Variants in MAGEC3 observed in about 807,000 individuals in gnomAD.
The protein encoded by MAGEC3 is MAGE family member C3, also known as melanoma-associated antigen C3.
A neutral mutation model predicts 35.3 loss-of-function variants in MAGEC3; 34 were observed. That is an observed-to-expected ratio of 0.96 (90% CI 0.73 to 1.28). The LOEUF (loss-of-function observed/expected upper bound fraction) is 1.28, where lower values mean the gene tolerates loss of function less well. MAGEC3 is among the 50% of genes most tolerant of loss of function. The pLI is 0.00. For synonymous variants in MAGEC3, 202 were observed against 185.6 expected (o/e 1.09, Z -0.72); for missense variants, 561 against 483.6 (o/e 1.16, Z -1.50).
chrX:141,874,692 T>G (rs1173576534), intron 2 of MAGEC3, among the ~76,000 whole-genome samples: 1 of 110,878 alleles, frequency 9.0e-6, no homozygotes, highest in Non-Finnish European at 1.9e-5. Flanking sequence ...CCTGAAAATT[T>G]CAAACACTCA....
intron 1 of MAGEC3, chrX:141,838,961 GT>G (rs2017669862): frequency 1.9e-6 from 1 of 514,307 alleles, no homozygotes; most frequent in Admixed American, 9.0e-5. Flanking sequence ...CTCAAGAAGT[GT>G]GAGGGACCCA....
intron 6 of MAGEC3, 71 bp downstream of exon 6, chrX:141,895,630 G>C: frequency 9.8e-7 from 1 of 1,020,621 alleles, no homozygotes; most frequent in Non-Finnish European, 1.3e-6. Context: ...TCAGAGGACA[G>C]CTTCCCAGAG....
chrX:141,861,385 A>G (rs2017813906), intron 1 of MAGEC3, among the ~76,000 whole-genome samples: 1 of 111,355 alleles, frequency 9.0e-6, no homozygotes, highest in South Asian at 3.7e-4. Context: ...ATTCAGTGCA[A>G]TTTCCATCAA....
chrX:141,894,609 A>G, intron 4 of MAGEC3: 1 of 949,749 alleles, frequency 1.1e-6, no homozygotes. Flanking sequence ...AACCTTGAGG[A>G]AGACTGAGGG....
At position 141,879,335 on chromosome X, in the gene MAGEC3, A is replaced by G. The variant is rs12852593; in HGVS notation, c.419A>G (p.Asp140Gly). Residue 140 changes from aspartate (D) to glycine (G), a missense_variant, in exon 3 of 8, where the codon GAC (aspartate) becomes GGC (glycine). Transcript: ENST00000298296. ...AACGAGAAGAGAACTCTGTGGAAGG[A>G]CAGTGACCTTCCAACATGGAGGAGA... ...PLNEKRTLWK[D>G]SDLPTWRRGT... 1 of 1,202,329 alleles carries G rather than the reference A, an allele frequency of 8.3e-7. No individual in the cohort carries two copies. The highest frequency in any genetic ancestry group is 1.1e-6 in the Non-Finnish European group (1 of 890,564).
At chrX:141,861,234 A>G (rs2017813218) in intron 1 of MAGEC3, among the ~76,000 whole-genome samples, 1 of 110,805 alleles carries the variant, frequency 9.0e-6, no homozygotes, top group African/African-American at 3.3e-5. Context: ...GAGGTAAAAG[A>G]TCTTTACAAG....
intron 1 of MAGEC3, among the ~76,000 whole-genome samples, chrX:141,858,310 C>T (rs2017794165): frequency 9.1e-6 from 1 of 110,476 alleles, no homozygotes; most frequent in African/African-American, 3.3e-5. Flanking sequence ...TTGTCTTGGG[C>T]TGAAAAATAT....
chrX:141,891,943 T>C (rs774784074), intron 4 of MAGEC3, among the ~76,000 whole-genome samples: 2 of 109,722 alleles, frequency 1.8e-5, no homozygotes, highest in East Asian at 5.7e-4. Context: ...CCTAATCAAA[T>C]ATGATGGGAG....
chrX:141,897,646 A>G lies in MAGEC3; in HGVS notation c.1746A>G (p.Ala582=). The change falls in exon 8 of 8, where the codon GCA becomes GCG. Residue 582 remains alanine (A), a synonymous_variant. Coordinates refer to ENST00000298296, the MANE Select transcript of MAGEC3 (RefSeq NM_138702.1). Reference sequence around the variant, plus strand: ...TCCAAGAGCCCATTCAGAGGCCAGCAAGAGAAGTCTTAGAGTTTTTATCCA... The same window carrying G: ...TCCAAGAGCCCATTCAGAGGCCAGCGAGAGAAGTCTTAGAGTTTTTATCCA... The part of the protein sequence containing the change: ...LSAIGPIQRP[A]REVLEFLSKL... 1 of 1,209,816 alleles carries G rather than the reference A, an allele frequency of 8.3e-7. No individual in the cohort carries two copies. Among genetic ancestry groups the G allele is most frequent in the Non-Finnish European group, 1.1e-6 (1 of 894,678 alleles).
intron 1 of MAGEC3, among the ~76,000 whole-genome samples, chrX:141,856,928 C>A (rs2017784575): frequency 1.8e-5 from 2 of 111,809 alleles, no homozygotes; most frequent in African/African-American, 6.5e-5. Context: ...AATGCAAACA[C>A]CCTGACAAAG....
rs568329481 is a variant in MAGEC3 at position 141,876,410 on chromosome X, C to G, written c.259-2765C>G. On this transcript the variant is annotated intron_variant, in intron 2 of 7. Coordinates refer to ENST00000298296, the MANE Select transcript of MAGEC3 (RefSeq NM_138702.1). ...GTCCTGCTCTCAGGAAGCAAAGGTTCATGAAAGCAGTCAGGCCTTTTATGG... is the reference window on the plus strand; with the variant it reads ...GTCCTGCTCTCAGGAAGCAAAGGTTGATGAAAGCAGTCAGGCCTTTTATGG... 1.1e-4 allele frequency among the ~76,000 whole-genome samples: 12 copies of G among 111,880 alleles called. No individual in the cohort carries two copies. In the South Asian group the frequency reaches 4.5e-3, roughly 42 times the overall value.
chrX:141,838,338 T>C lies in MAGEC3; in HGVS notation c.23T>C (p.Val8Ala), dbSNP rs764998708. 1.7e-5 allele frequency: 20 copies of C among 1,208,881 alleles called. No homozygotes were observed. The highest frequency in any genetic ancestry group is 2.1e-5 in the Non-Finnish European group (19 of 894,360). MLLPCHW[V>A]LDATFSDGSL... ...GCCATGCTGCTGCCCTGCCACTGGGTGTTGGATGCCACCTTCAGTGATGGC... is the reference window on the plus strand; with the variant it reads ...GCCATGCTGCTGCCCTGCCACTGGGCGTTGGATGCCACCTTCAGTGATGGC... The change falls in exon 1 of 8, where the codon GTG becomes GCG. Residue 8 changes from valine (V) to alanine (A), a missense_variant. Coordinates refer to ENST00000298296, the MANE Select transcript of MAGEC3 (RefSeq NM_138702.1).
At chrX:141,842,828 A>G (rs2017693978) in intron 1 of MAGEC3, among the ~76,000 whole-genome samples, 1 of 111,481 alleles carries the variant, frequency 9.0e-6, no homozygotes, top group Non-Finnish European at 1.9e-5. Flanking sequence ...CTACATTGTT[A>G]GCTATATAAC....
intron 3 of MAGEC3, 144 bp downstream of exon 3, chrX:141,879,575 T>C (rs1032619566): frequency 6.1e-5 from 43 of 704,075 alleles, no homozygotes; most frequent in South Asian, 2.3e-4. Context: ...CAGGAAGGGG[T>C]GGAGAAGGGC....
intron 4 of MAGEC3, among the ~76,000 whole-genome samples, chrX:141,885,273 A>G (rs2017993921): frequency 9.0e-6 from 1 of 110,880 alleles, no homozygotes; most frequent in African/African-American, 3.3e-5. Context: ...AGGGTGTGGG[A>G]TAATGGTGGA....
intron 1 of MAGEC3, among the ~76,000 whole-genome samples, chrX:141,842,989 A>C (rs1331106868): frequency 8.9e-6 from 1 of 112,445 alleles, no homozygotes; most frequent in South Asian, 3.6e-4. Flanking sequence ...TGTGGAGTTC[A>C]TTAAATTATT....
chrX:141,840,467 A>G (rs1382399653), intron 1 of MAGEC3, among the ~76,000 whole-genome samples: 1 of 112,186 alleles, frequency 8.9e-6, no homozygotes, highest in Non-Finnish European at 1.9e-5. Context: ...TTGGAAAAAC[A>G]TATAATTACA....
At chrX:141,892,563 AATT>A (rs952523000) in intron 4 of MAGEC3, among the ~76,000 whole-genome samples, 3 of 111,334 alleles carry the variant, frequency 2.7e-5, no homozygotes, top group East Asian at 2.9e-4. Context: ...TAACAGAGGA[AATT>A]ATTATTATTT....
At chrX:141,895,084 A>G (rs111733991) in intron 4 of MAGEC3, among the ~76,000 whole-genome samples, 185 bp from the exon 5 acceptor site, 5,145 of 38,496 alleles carry the variant, frequency 0.13, 713 homozygotes, top group African/African-American at 0.41. Flanking sequence ...TAAGGAGAGG[A>G]AGGGGTCAGG....
Sources: allele counts gnomAD v4.1 joint callset (sites outside exome capture counted in the v4.1 genomes callset), GRCh38; gene constraint gnomAD v4.1.1; transcripts MANE v1.5; gene names NCBI Gene and HGNC (gene_info 2026-07-23, HGNC 2026-07-21).